Variants in FUT9 observed in about 807,000 individuals in gnomAD.
FUT9 encodes 4-galactosyl-N-acetylglucosaminide 3-alpha-L-fucosyltransferase 9.
Under a neutral mutation model 29.7 loss-of-function variants are expected in FUT9, and 15 were observed. The observed-to-expected ratio is 0.51, with a 90% CI of 0.34 to 0.78. The LOEUF (loss-of-function observed/expected upper bound fraction) is 0.78. Among genes scored for constraint, FUT9 ranks in the 30% least tolerant of loss-of-function variants. The pLI, the probability that FUT9 is intolerant of heterozygous loss-of-function variation, is 0.01. For missense variants in FUT9, 319 were observed against 425.4 expected, an observed-to-expected ratio of 0.75 and a Z score of 2.20; for synonymous variants, 169 against 153.7, an observed-to-expected ratio of 1.10 and a Z score of -0.74.
At chr6:96,147,141 G>A (rs1275542235) in intron 2 of FUT9, among the ~76,000 whole-genome samples, 2 of 150,722 alleles carry the variant, frequency 1.3e-5, no homozygotes, top group Admixed American at 1.3e-4. Context: ...CTCCCTACCT[G>A]TCCAATTTTT....
chr6:96,024,514 C>T (rs1227180832), intron 1 of FUT9, among the ~76,000 whole-genome samples: 1 of 151,672 alleles, frequency 6.6e-6, no homozygotes, highest in Non-Finnish European at 1.5e-5. Flanking sequence ...CCATCTATTT[C>T]ATCCTTGGGG....
chr6:96,101,881 T>C (rs1436424639), intron 1 of FUT9, among the ~76,000 whole-genome samples: 1 of 151,776 alleles, frequency 6.6e-6, no homozygotes, highest in Non-Finnish European at 1.5e-5. Flanking sequence ...ATATTCTCCC[T>C]TTCTACCTGG....
chr6:96,101,852 T>C (rs1771591853), intron 1 of FUT9, among the ~76,000 whole-genome samples: 1 of 151,604 alleles, frequency 6.6e-6, no homozygotes, highest in African/African-American at 2.4e-5. Context: ...GACAAGGTCT[T>C]GCTATGCTGC....
intron 2 of FUT9, among the ~76,000 whole-genome samples, chr6:96,151,354 C>A (rs72933961): frequency 0.11 from 16,042 of 152,114 alleles, 1,119 homozygotes; most frequent in Middle Eastern, 0.15. Flanking sequence ...AAGATAATCA[C>A]ATTGTAACAG....
At chr6:96,168,991 C>G (rs575789910) in intron 2 of FUT9, among the ~76,000 whole-genome samples, 1 of 152,222 alleles carries the variant, frequency 6.6e-6, no homozygotes, top group South Asian at 2.1e-4. Context: ...TAGGTCTGAA[C>G]AGAAGGGAGT....
intron 1 of FUT9, among the ~76,000 whole-genome samples, chr6:96,041,811 T>C (rs753501): frequency 0.089 from 13,610 of 152,278 alleles, 847 homozygotes; most frequent in East Asian, 0.33. Context: ...AGTCTCCTCT[T>C]GTTACGGCCT....
chr6:96,055,709 C>CTTTTTT (rs113298226), intron 1 of FUT9, among the ~76,000 whole-genome samples: 4 of 45,592 alleles, frequency 8.8e-5, no homozygotes, highest in Non-Finnish European at 1.2e-4. Context: ...ATTTCTTTTT[C>CTTTTTT]TTTTTTTTTT....
chr6:96,148,176 A>G (rs951350296), intron 2 of FUT9, among the ~76,000 whole-genome samples: 1 of 152,300 alleles, frequency 6.6e-6, no homozygotes, highest in Non-Finnish European at 1.5e-5. Flanking sequence ...AGTTTAGTGC[A>G]ATAGACTTAT....
At chr6:96,142,522 T>G (rs186916170) in intron 2 of FUT9, among the ~76,000 whole-genome samples, 126 of 152,264 alleles carry the variant, frequency 8.3e-4, no homozygotes, top group African/African-American at 2.8e-3. Context: ...TTCAATGAAG[T>G]GCTATTCAAA....
At chr6:96,176,391 T>C (rs1773205578) in intron 2 of FUT9, among the ~76,000 whole-genome samples, 1 of 151,940 alleles carries the variant, frequency 6.6e-6, no homozygotes, top group Admixed American at 6.6e-5. Context: ...ATCCTATTGG[T>C]TCTGTTTCTA....
intron 1 of FUT9, among the ~76,000 whole-genome samples, chr6:96,030,738 C>T (rs1253190394): frequency 2.0e-5 from 3 of 151,510 alleles, no homozygotes; most frequent in Non-Finnish European, 4.4e-5. Flanking sequence ...AAGTGTCCAT[C>T]AACTGCTGAA....
At position 96,083,613 on chromosome 6, in the gene FUT9, C is replaced by T. The variant is rs370531913; in HGVS notation, c.-97-30426C>T. On this transcript the variant is annotated intron_variant, in intron 1 of 2. Transcript: ENST00000302103. ...CTTAAACCCCTTCAGCAGCTGGCAT[C>T]ACACCCTCTTCTCAGATTTCCATTC... 1.1e-4 allele frequency among the ~76,000 whole-genome samples: 16 copies of T among 152,098 alleles called. No homozygotes were observed. The South Asian group carries it at 1.5e-3, about 14-fold the overall frequency.
chr6:96,195,744 A>C (rs1773612875), intron 2 of FUT9, among the ~76,000 whole-genome samples: 1 of 152,166 alleles, frequency 6.6e-6, no homozygotes, highest in South Asian at 2.1e-4. Flanking sequence ...GCCAGGAGTA[A>C]AAGCAAAATA....
rs1473164991 is a variant in FUT9 at position 96,208,409 on chromosome 6, A to G, written c.*4174A>G. The G allele has an allele frequency of 6.0e-6, 1 of 166,828 alleles. No individual in the cohort carries two copies. 10.3% of individuals were successfully genotyped at this position (166,828 alleles called of 1,614,324 possible). On this transcript the variant is annotated 3_prime_UTR_variant, in exon 3 of 3. Coordinates refer to ENST00000302103, the MANE Select transcript of FUT9 (RefSeq NM_006581.4). ...TTTGAGAAACTTCTTAACAATTACA[A>G]TCGAGCTGTTAAATATAACAAACAT...
At chr6:96,167,913 A>G (rs1773043475) in intron 2 of FUT9, among the ~76,000 whole-genome samples, 1 of 152,184 alleles carries the variant, frequency 6.6e-6, no homozygotes, top group Non-Finnish European at 1.5e-5. Context: ...GGAAAAGAGA[A>G]TGAAGAAGAG....
At chr6:96,126,622 T>C (rs1254909488) in intron 2 of FUT9, among the ~76,000 whole-genome samples, 3 of 152,248 alleles carry the variant, frequency 2.0e-5, no homozygotes, top group South Asian at 2.1e-4. Context: ...TAGACTTCAG[T>C]GCATTTTAAG....
rs148134890 is a variant in FUT9 at position 96,063,496 on chromosome 6, C to T, written c.-98+47284C>T. Among the ~76,000 whole-genome samples, 278 of 152,244 alleles carry T rather than the reference C, an allele frequency of 1.8e-3. 1 individual carries two copies. The highest frequency in any genetic ancestry group is 6.5e-3 in the African/African-American group (269 of 41,548). ...AGCTCGGTTATTACCAAGGGAATAG[C>T]TCAAGCCATTCAGGGGCATTCGGGG... is the stretch of plus-strand genomic sequence containing the variant. On this transcript the variant is annotated intron_variant, in intron 1 of 2. Coordinates refer to ENST00000302103, the MANE Select transcript of FUT9 (RefSeq NM_006581.4).
At chr6:96,149,340 C>CA (rs34666168) in intron 2 of FUT9, among the ~76,000 whole-genome samples, 20 of 147,886 alleles carry the variant, frequency 1.4e-4, no homozygotes, top group African/African-American at 3.0e-4. Context: ...TTAAGGCAGA[C>CA]AAAAAAAAAA....
intron 1 of FUT9, among the ~76,000 whole-genome samples, chr6:96,064,396 C>T (rs186755559): frequency 1.3e-5 from 2 of 152,204 alleles, no homozygotes; most frequent in African/African-American, 2.4e-5. Context: ...GCATTCATCA[C>T]CCCATACTGG....
Sources: gnomAD v4.1 joint callset for allele counts (sites outside exome capture counted in the v4.1 genomes callset) on GRCh38, gnomAD v4.1.1 for gene constraint, MANE v1.5 for transcripts, NCBI Gene and HGNC (gene_info 2026-07-23, HGNC 2026-07-21) for gene names.